Variants in ERBB4 observed in about 807,000 individuals in gnomAD.
The protein encoded by ERBB4 is erb-b2 receptor tyrosine kinase 4.
Under a neutral mutation model 158.0 loss-of-function variants are expected in ERBB4, and 42 were observed. That is an observed-to-expected ratio of 0.27 (90% CI 0.21 to 0.34). The LOEUF (loss-of-function observed/expected upper bound fraction) is 0.34, where lower values mean the gene tolerates loss of function less well. Ranked by LOEUF, ERBB4 falls within the 10% of genes least tolerant of loss-of-function variation. The pLI, the probability that ERBB4 is intolerant of heterozygous loss-of-function variation, is 1.00. For missense variants in ERBB4, 1,333 were observed against 1,624.1 expected, an observed-to-expected ratio of 0.82 and a Z score of 3.08; for synonymous variants, 583 against 558.7, an observed-to-expected ratio of 1.04 and a Z score of -0.61.
chr2:211,457,736 A>G (rs975501695), intron 20 of ERBB4, among the ~76,000 whole-genome samples: 1 of 152,218 alleles, frequency 6.6e-6, no homozygotes, highest in Non-Finnish European at 1.5e-5. Context: ...ATCCTCAACT[A>G]TAAAGGCATT....
intron 1 of ERBB4, among the ~76,000 whole-genome samples, chr2:212,223,342 A>G (rs1256203370): frequency 6.8e-6 from 1 of 147,318 alleles, no homozygotes; most frequent in Non-Finnish European, 1.5e-5. Flanking sequence ...TTATATATAT[A>G]TATATATAAA....
At chr2:211,866,287 A>G (rs1156867342) in intron 3 of ERBB4, among the ~76,000 whole-genome samples, 1 of 152,060 alleles carries the variant, frequency 6.6e-6, no homozygotes, top group East Asian at 1.9e-4. Context: ...CTATCTTATG[A>G]TCTTGTCTCT....
chr2:212,374,192 T>C (rs889438998), intron 1 of ERBB4, among the ~76,000 whole-genome samples: 3 of 150,526 alleles, frequency 2.0e-5, no homozygotes, highest in Non-Finnish European at 4.4e-5. Context: ...CAGATAGACA[T>C]TATTCAGTGG....
chr2:212,190,573 C>T (rs180800222), intron 1 of ERBB4, among the ~76,000 whole-genome samples: 1 of 150,746 alleles, frequency 6.6e-6, no homozygotes, highest in East Asian at 1.9e-4. Flanking sequence ...AAGAACTGGG[C>T]GCCTTTGATA....
At chr2:211,582,182 T>A (rs2068125348) in intron 19 of ERBB4, among the ~76,000 whole-genome samples, 1 of 152,226 alleles carries the variant, frequency 6.6e-6, no homozygotes, top group African/African-American at 2.4e-5. Flanking sequence ...ATTTCAATAA[T>A]GTCTCAGTTC....
At chr2:211,770,061 C>T (rs985217090) in intron 4 of ERBB4, among the ~76,000 whole-genome samples, 3 of 152,160 alleles carry the variant, frequency 2.0e-5, no homozygotes, top group African/African-American at 7.2e-5. Context: ...TTTTACCAAC[C>T]TAGCATTTTA....
At position 212,320,967 on chromosome 2, in the gene ERBB4, ATTTT is replaced by A. The variant is rs1026424777; in HGVS notation, c.83-196068_83-196065del. 4.7e-5 allele frequency among the ~76,000 whole-genome samples: 7 copies of A among 150,224 alleles called. 1 individual carries two copies. Among genetic ancestry groups the A allele is most frequent in the Non-Finnish European group, 1.0e-4 (7 of 67,032 alleles). On this transcript the variant is annotated intron_variant, in intron 1 of 27. Transcript: ENST00000342788. Reference sequence around the variant, plus strand: ...AACTGTTTCTTTTTGTTGTTTTTATATTTTTATTTTTAAAACACAGATATGAAAA... The same window carrying A: ...AACTGTTTCTTTTTGTTGTTTTTATATATTTTTAAAACACAGATATGAAAA...
chr2:212,467,058 G>A (rs997779431), intron 1 of ERBB4, among the ~76,000 whole-genome samples: 2 of 152,138 alleles, frequency 1.3e-5, no homozygotes, highest in African/African-American at 4.8e-5. Context: ...AAATGATTTA[G>A]GGTATCTGGC....
intron 20 of ERBB4, among the ~76,000 whole-genome samples, chr2:211,466,875 C>T (rs1295803584): frequency 1.3e-5 from 2 of 151,628 alleles, no homozygotes; most frequent in African/African-American, 4.8e-5. Flanking sequence ...CAGTTTTCCT[C>T]TCTCTCTCTC....
rs757382678 is a variant in ERBB4, at chr2:211,428,428, T to C, written c.2699A>G (p.Gln900Arg). Residue 900 changes from glutamine (Q) to arginine (R), a missense_variant, in exon 22 of 28, where the codon CAG becomes CGG. Gln to Arg is a conservative substitution (Grantham distance 43). Around this residue, in one of 5 missense-constraint regions of ERBB4, gnomAD observed 314 missense variants for 437.6 expected, o/e 0.72. Coordinates refer to ENST00000342788, the MANE Select transcript of ERBB4 (RefSeq NM_005235.3). ...ECIHYRKFTH[Q>R]SDVWSYGVTI... ...TTTACCATAGCTCCAAACGTCACTC[T>C]GATGGGTGAATTTCCTGTAATGTAT... is the stretch of plus-strand genomic sequence containing the variant. 6.3e-7 allele frequency: 1 copy of C among 1,592,026 alleles called. No individual in the cohort carries two copies. The highest frequency in any genetic ancestry group is 1.7e-5 in the Admixed American group (1 of 59,932).
At chr2:212,304,498 C>A (rs1396767406) in intron 1 of ERBB4, among the ~76,000 whole-genome samples, 1 of 151,228 alleles carries the variant, frequency 6.6e-6, no homozygotes, top group African/African-American at 2.4e-5. Flanking sequence ...TGTAGCATAT[C>A]CAGAGACTTA....
chr2:212,068,702 C>T (rs1243410741), intron 2 of ERBB4, among the ~76,000 whole-genome samples: 4 of 152,066 alleles, frequency 2.6e-5, no homozygotes, highest in Non-Finnish European at 5.9e-5. Context: ...CTGCTTTCTT[C>T]AGACCCTCTC....
At chr2:212,374,621 A>T (rs968364753) in intron 1 of ERBB4, among the ~76,000 whole-genome samples, 1 of 151,940 alleles carries the variant, frequency 6.6e-6, no homozygotes, top group Admixed American at 6.6e-5. Context: ...ATATAAACAC[A>T]CACACACACA....
At position 212,167,694 on chromosome 2, in the gene ERBB4, T is replaced by C. The variant is rs182787388; in HGVS notation, c.83-42791A>G. Among the ~76,000 whole-genome samples the C allele has an allele frequency of 3.1e-3, 467 of 152,164 alleles. 4 individuals carry two copies. The highest frequency in any genetic ancestry group is 0.011 in the African/African-American group (455 of 41,524). On this transcript the variant is annotated intron_variant, in intron 1 of 27. Coordinates refer to ENST00000342788, the MANE Select transcript of ERBB4 (RefSeq NM_005235.3). Reference sequence around the variant, plus strand: ...AACAAAGTCATGGAACCAACACAAATGCCCATCAATGATAGACTGGATAAA... The same window carrying C: ...AACAAAGTCATGGAACCAACACAAACGCCCATCAATGATAGACTGGATAAA...
At chr2:211,978,392 G>GTCTCTATCTATCTATCTA (rs1165469722) in intron 2 of ERBB4, among the ~76,000 whole-genome samples, 1 of 102,246 alleles carries the variant, frequency 9.8e-6, no homozygotes, top group Non-Finnish European at 2.1e-5. Context: ...CTGTCTGTCT[G>GTCTCTATCTATCTATCTA]TCTGTCTATC....
chr2:211,596,768 C>CTT (rs879316511), intron 19 of ERBB4, among the ~76,000 whole-genome samples: 1 of 147,334 alleles, frequency 6.8e-6, no homozygotes. Context: ...CCCACTTACT[C>CTT]TTTTTTTTTT....
At chr2:212,018,531 T>A (rs1223515362) in intron 2 of ERBB4, among the ~76,000 whole-genome samples, 1 of 152,216 alleles carries the variant, frequency 6.6e-6, no homozygotes, top group Non-Finnish European at 1.5e-5. Context: ...AACATTAATG[T>A]CTAGTTCATT....
rs1281487269 is a variant in ERBB4, at chr2:212,498,114, CTA to C, written c.82+40333_82+40334del. Among the ~76,000 whole-genome samples, 5 of 149,348 alleles carry C rather than the reference CTA, an allele frequency of 3.3e-5. No individual in the cohort carries two copies. The East Asian group carries it at 7.8e-4, about 23-fold the overall frequency. Reference sequence around the variant, plus strand: ...CTTTCTATTGTGTGTGTGTGCATATCTATGTGTGTGTGTGTGTGTGTATGTGT... The same window carrying C: ...CTTTCTATTGTGTGTGTGTGCATATCTGTGTGTGTGTGTGTGTGTATGTGT... On this transcript the variant is annotated intron_variant, in intron 1 of 27. Coordinates refer to ENST00000342788, the MANE Select transcript of ERBB4 (RefSeq NM_005235.3).
At chr2:211,560,680 C>T (rs772340405) in intron 20 of ERBB4, among the ~76,000 whole-genome samples, 17 of 152,006 alleles carry the variant, frequency 1.1e-4, no homozygotes, top group South Asian at 6.2e-4. Flanking sequence ...AAATCCATTT[C>T]GGAAGTGCTA....
Sources: allele counts gnomAD v4.1 joint callset (sites outside exome capture counted in the v4.1 genomes callset), GRCh38; gene constraint gnomAD v4.1.1; regional missense constraint gnomAD v4.1.1; transcripts MANE v1.5; gene names NCBI Gene and HGNC (gene_info 2026-07-23, HGNC 2026-07-21).